The following SATL1 variants were observed in gnomAD, a reference collection of about 807,000 sequenced individuals.
SATL1 encodes the protein spermidine/spermine N(1)-acetyltransferase-like protein 1.
Under a neutral mutation model 51.8 loss-of-function variants are expected in SATL1, and 47 were observed. That is an observed-to-expected ratio of 0.91 (90% CI 0.72 to 1.16). The LOEUF (loss-of-function observed/expected upper bound fraction) is 1.16, where lower values mean the gene tolerates loss of function less well. SATL1 is among the 50% of genes most tolerant of loss of function. The probability of loss-of-function intolerance (pLI) is 0.00; values close to 1 mark genes in which losing one functional copy is unlikely to be tolerated. For missense variants in SATL1, 520 were observed against 526.4 expected (o/e 0.99, Z 0.12); for synonymous variants, 176 against 182.4 (o/e 0.97, Z 0.28).
Position 85,128,796 on chromosome X carries a change from C to T in SATL1, c.-312-19516G>A, listed in dbSNP as rs767441153. Among the ~76,000 whole-genome samples the T allele has an allele frequency of 4.6e-3, 511 of 111,743 alleles. 2 individuals carry two copies. Among genetic ancestry groups the T allele is most frequent in the Admixed American group, 9.2e-3 (96 of 10,485 alleles). ...TGGTTTTAGGTCTAACATTTAAGTC[C>T]TTAATCCATCTCGAATTAATTTTTG... On this transcript the variant is annotated intron_variant, in intron 2 of 7. Transcript: ENST00000644105.
At chrX:85,106,049 T>C (rs1172180475) in intron 3 of SATL1, among the ~76,000 whole-genome samples, 1 of 112,000 alleles carries the variant, frequency 8.9e-6, no homozygotes, top group Non-Finnish European at 1.9e-5. Flanking sequence ...CTTGGAAAGC[T>C]AGGAAAAGTG....
chrX:85,206,736 G>A (rs1927798942), intron 2 of SATL1, among the ~76,000 whole-genome samples: 1 of 111,406 alleles, frequency 9.0e-6, no homozygotes, highest in South Asian at 3.8e-4. Flanking sequence ...TGGAATTAAT[G>A]GTTTTTATGG....
At chrX:85,228,538 A>T (rs1928320270) in intron 1 of SATL1, among the ~76,000 whole-genome samples, 1 of 111,170 alleles carries the variant, frequency 9.0e-6, no homozygotes, top group Admixed American at 9.6e-5. Context: ...CATTCATCCC[A>T]TTCTTTATAG....
rs1238017291 is a variant in SATL1 at position 85,111,713 on chromosome X, T to C, written c.-312-2433A>G. Among the ~76,000 whole-genome samples the C allele has an allele frequency of 2.7e-5, 3 of 112,225 alleles. No homozygotes were observed. The Admixed American group carries it at 2.8e-4, about 11-fold the overall frequency. On this transcript the variant is annotated intron_variant, in intron 2 of 7. Transcript: ENST00000644105. ...AAAGATCTAGTTTAGGTAGTGAGGT[T>C]TGTAGGCCAAGACTTCCCAAATTCT... is the stretch of plus-strand genomic sequence containing the variant.
At chrX:85,152,398 A>T (rs1345592027) in intron 2 of SATL1, among the ~76,000 whole-genome samples, 2 of 111,887 alleles carry the variant, frequency 1.8e-5, no homozygotes, top group African/African-American at 6.5e-5. Flanking sequence ...CCATTGTGGA[A>T]GTCAGTGTGG....
At chrX:85,181,349 T>C (rs16980162) in intron 2 of SATL1, among the ~76,000 whole-genome samples, 13,205 of 109,447 alleles carry the variant, frequency 0.12, 1,937 homozygotes, top group African/African-American at 0.4. Flanking sequence ...CAGAGGATTA[T>C]CTAAAGTCTA....
intron 2 of SATL1, among the ~76,000 whole-genome samples, chrX:85,220,644 TAAAAAAAAAAAAAAAAAAAAAAA>T (rs57383092): frequency 9.5e-4 from 23 of 24,164 alleles, no homozygotes; most frequent in South Asian, 8.9e-3. Flanking sequence ...ACTTCTGTGT[TAAAAAAAAAAAAAAAAAAAAAAA>T]AAAAAAAAAA....
At chrX:85,157,302 A>G (rs1164566669) in intron 2 of SATL1, among the ~76,000 whole-genome samples, 1 of 110,814 alleles carries the variant, frequency 9.0e-6, no homozygotes, top group East Asian at 2.8e-4. Flanking sequence ...AAAATTAAAT[A>G]TTGAAACAAA....
intron 2 of SATL1, among the ~76,000 whole-genome samples, chrX:85,136,465 C>T (rs1602859193): frequency 9.0e-6 from 1 of 111,646 alleles, no homozygotes; most frequent in East Asian, 2.8e-4. Context: ...AAAATATTGT[C>T]TATAGAGGTA....
chrX:85,216,845 T>C (rs1928055411), intron 2 of SATL1, among the ~76,000 whole-genome samples: 2 of 112,033 alleles, frequency 1.8e-5, no homozygotes, highest in South Asian at 7.5e-4. Flanking sequence ...AATGTGTGTG[T>C]CCACATAATC....
chrX:85,101,912 G>A (rs1924901456), intron 4 of SATL1, among the ~76,000 whole-genome samples: 1 of 110,334 alleles, frequency 9.1e-6, no homozygotes, highest in Admixed American at 9.7e-5. Context: ...AGTGAAATAA[G>A]GCAGACACAC....
intron 2 of SATL1, among the ~76,000 whole-genome samples, chrX:85,188,721 A>G (rs915625939): frequency 3.6e-5 from 4 of 112,264 alleles, no homozygotes; most frequent in South Asian, 3.7e-4. Flanking sequence ...AAATATCTTC[A>G]TTACTTTTCT....
intron 2 of SATL1, chrX:85,116,248 A>G (rs2147698232): frequency 8.9e-6 from 1 of 111,931 alleles, no homozygotes; most frequent in African/African-American, 3.2e-5. Context: ...CATAAGGCAG[A>G]AGGAGAGACT....
intron 2 of SATL1, among the ~76,000 whole-genome samples, chrX:85,201,181 C>A (rs1239326858): frequency 1.8e-5 from 2 of 111,194 alleles, no homozygotes; most frequent in African/African-American, 6.5e-5. Flanking sequence ...TGCACTCATG[C>A]CTGTGTGTGG....
At chrX:85,225,235 T>C (rs768704390) in intron 1 of SATL1, among the ~76,000 whole-genome samples, 1 of 111,771 alleles carries the variant, frequency 8.9e-6, no homozygotes, top group Non-Finnish European at 1.9e-5. Context: ...ACATATAACA[T>C]TTTATAGAAC....
chrX:85,094,142 G>T lies in SATL1; in HGVS notation c.1862C>A (p.Thr621Lys). ...TTTAGTTTTACCTTGGTAAGCTTGT[G>T]TGACATAAAAGTCCTCTAGGTAAAG... ...KVLYLEDFYV[T>K]QAYQGLGIGA... is the part of the protein sequence containing the mutation. Residue 621 changes from threonine to lysine, a missense_variant, in exon 6 of 8, where the codon ACA becomes AAA. Transcript: ENST00000644105. The T allele has an allele frequency of 8.7e-7, 1 of 1,153,814 alleles. No homozygotes were observed. The highest frequency in any genetic ancestry group is 1.2e-6 in the Non-Finnish European group (1 of 844,302).
intron 4 of SATL1, among the ~76,000 whole-genome samples, chrX:85,096,263 A>G (rs374716239): frequency 1.5e-3 from 167 of 111,480 alleles, no homozygotes; most frequent in African/African-American, 5.4e-3. Flanking sequence ...CTGAAATGAA[A>G]AAAAAATGCA....
intron 2 of SATL1, among the ~76,000 whole-genome samples, chrX:85,201,621 T>A (rs1358574735): frequency 9.0e-6 from 1 of 111,141 alleles, no homozygotes; most frequent in Non-Finnish European, 1.9e-5. Context: ...CCTTCCACCC[T>A]CCCTTCTCAA....
At chrX:85,165,458 CT>C (rs1301704792) in intron 2 of SATL1, among the ~76,000 whole-genome samples, 2 of 103,566 alleles carry the variant, frequency 1.9e-5, no homozygotes, top group African/African-American at 7.0e-5. Context: ...CTGTATTTTT[CT>C]TTTTTTTTTC....
Sources: gnomAD v4.1 joint callset for allele counts (sites outside exome capture counted in the v4.1 genomes callset) on GRCh38, gnomAD v4.1.1 for gene constraint, MANE v1.5 for transcripts, NCBI Gene and HGNC (gene_info 2026-07-23, HGNC 2026-07-21) for gene names.